GLIS3: variants seen among roughly 807,000 people sequenced by gnomAD.
GLIS3 encodes zinc finger protein GLIS3.
In GLIS3, 53 loss-of-function variants were observed where a neutral mutation model predicts 78.6. The ratio of observed to expected loss-of-function variants is 0.67; its 90% CI spans 0.54 to 0.85. GLIS3 has a LOEUF of 0.85. Among genes scored for constraint, GLIS3 ranks in the 40% least tolerant of loss-of-function variants. GLIS3 has a pLI of 0.00. For missense variants in GLIS3, 1,703 were observed against 1,231.1 expected, an observed-to-expected ratio of 1.38 and a Z score of -5.74; for synonymous variants, 684 against 509.9, an observed-to-expected ratio of 1.34 and a Z score of -4.60.
At chr9:4,487,299 G>T in the GLIS3 span, among the ~76,000 whole-genome samples, 1 of 152,158 alleles carries the variant, frequency 6.6e-6, no homozygotes, top group Non-Finnish European at 1.5e-5. Context: ...GCCTGTCCAG[G>T]TTGACTCCAA....
intron 2 of GLIS3, among the ~76,000 whole-genome samples, chr9:4,132,498 AG>A (rs1449159081): frequency 1.3e-5 from 2 of 152,228 alleles, no homozygotes; most frequent in Non-Finnish European, 2.9e-5. Context: ...ACATAGATAC[AG>A]GGGGAACAAG....
intron 7 of GLIS3, among the ~76,000 whole-genome samples, chr9:3,891,553 T>G (rs933861368): frequency 3.3e-5 from 5 of 152,022 alleles, no homozygotes; most frequent in Admixed American, 6.6e-5. Flanking sequence ...TAAAAATAAA[T>G]TAGCCAGGTG....
At chr9:4,367,835 G>A in the GLIS3 span, among the ~76,000 whole-genome samples, 1,328 of 152,200 alleles carry the variant, frequency 8.7e-3, 23 homozygotes, top group African/African-American at 0.031. Flanking sequence ...TTTAGGCTAG[G>A]TACTCACACA....
intron 3 of GLIS3, 48 bp downstream of exon 3, chr9:4,125,686 G>T (rs1564087612): frequency 8.0e-7 from 1 of 1,251,686 alleles, no homozygotes. Context: ...ACACTTGTGG[G>T]GTGTGTTTAT....
chr9:4,191,403 C>T (rs1818322745), intron 2 of GLIS3, among the ~76,000 whole-genome samples: 1 of 152,128 alleles, frequency 6.6e-6, no homozygotes, highest in African/African-American at 2.4e-5. Context: ...TCCACATATG[C>T]ATGAAATAAA....
intron 4 of GLIS3, among the ~76,000 whole-genome samples, chr9:4,101,752 C>T (rs1234884606): frequency 1.3e-5 from 2 of 152,058 alleles, no homozygotes; most frequent in African/African-American, 2.4e-5. Context: ...TCTCAAGCTT[C>T]TTTTTGGCTT....
In GLIS3 at chr9:3,979,773, A is replaced by G. The variant is rs551619989; in HGVS notation, c.1711-42584T>C. Among the ~76,000 whole-genome samples the G allele has an allele frequency of 3.3e-5, 5 of 152,344 alleles. No individual in the cohort carries two copies. The East Asian group carries it at 9.6e-4, about 29-fold the overall frequency. On this transcript the variant is annotated intron_variant, in intron 4 of 10. Transcript: ENST00000381971. ...CTCTACTTATGTGCCATTCATTGAA[A>G]AAGATAATTATTGAGTGCCTACTTT...
At chr9:4,337,982 G>C (rs1215823869) in intron 2 of GLIS3, among the ~76,000 whole-genome samples, 1 of 151,596 alleles carries the variant, frequency 6.6e-6, no homozygotes, top group African/African-American at 2.4e-5. Context: ...TCCCAGGATG[G>C]TTTGCTCTTT....
At chr9:3,922,715 T>C (rs1049660105) in intron 6 of GLIS3, among the ~76,000 whole-genome samples, 2 of 151,942 alleles carry the variant, frequency 1.3e-5, no homozygotes, top group African/African-American at 4.8e-5. Flanking sequence ...CAAAAACACT[T>C]GTAAAGGTGA....
intron 4 of GLIS3, among the ~76,000 whole-genome samples, chr9:4,099,057 CCA>C (rs1208273702): frequency 6.6e-6 from 1 of 152,152 alleles, no homozygotes; most frequent in Non-Finnish European, 1.5e-5. Context: ...GTGCAATGTC[CCA>C]CAGCTTGGCT....
chr9:3,834,339 G>A (rs1191377401), intron 9 of GLIS3, among the ~76,000 whole-genome samples: 2 of 152,136 alleles, frequency 1.3e-5, no homozygotes, highest in East Asian at 3.8e-4. Flanking sequence ...ATACCCTCTA[G>A]GGCCATGCTG....
At chr9:3,969,471 T>A (rs1818213517) in intron 4 of GLIS3, among the ~76,000 whole-genome samples, 1 of 152,170 alleles carries the variant, frequency 6.6e-6, no homozygotes, top group Non-Finnish European at 1.5e-5. Context: ...CTTGCACATA[T>A]CAGATACATA....
chr9:4,306,683 G>C (rs568321439), intron 4 of GLIS3, among the ~76,000 whole-genome samples: 4 of 152,234 alleles, frequency 2.6e-5, no homozygotes, highest in African/African-American at 9.6e-5. Flanking sequence ...TGTCTGCCCA[G>C]GCATCTCTGA....
chr9:3,931,276 C>T (rs1825593354), intron 6 of GLIS3, among the ~76,000 whole-genome samples: 1 of 151,912 alleles, frequency 6.6e-6, no homozygotes, highest in Admixed American at 6.6e-5. Context: ...GCTAACACTT[C>T]TCAAGGAAGA....
intron 1 of GLIS3, among the ~76,000 whole-genome samples, chr9:4,292,347 G>T (rs556135614): frequency 2.6e-5 from 4 of 152,186 alleles, no homozygotes; most frequent in African/African-American, 7.2e-5. Context: ...ATACCTATCT[G>T]CCCATTTGTA....
At chr9:3,895,026 G>A (rs1372206328) in intron 7 of GLIS3, among the ~76,000 whole-genome samples, 1 of 152,164 alleles carries the variant, frequency 6.6e-6, no homozygotes, top group Non-Finnish European at 1.5e-5. Flanking sequence ...CATAATTTTT[G>A]TGGTCATTCA....
chr9:4,362,610 T>G, the GLIS3 span, among the ~76,000 whole-genome samples: 2 of 152,212 alleles, frequency 1.3e-5, no homozygotes, highest in East Asian at 1.9e-4. Context: ...CTTCAAGGAC[T>G]CCAGTGGCAA....
intron 1 of GLIS3, among the ~76,000 whole-genome samples, chr9:4,297,837 G>A (rs1294293880): frequency 2.0e-5 from 3 of 152,286 alleles, no homozygotes; most frequent in Non-Finnish European, 1.5e-5. Flanking sequence ...TGCCGGGAGC[G>A]GGGGAGAGGC....
At chr9:4,313,895 C>G (rs951021375) in intron 2 of GLIS3, among the ~76,000 whole-genome samples, 1 of 152,212 alleles carries the variant, frequency 6.6e-6, no homozygotes, top group East Asian at 1.9e-4. Context: ...AGGTCTTACA[C>G]AGGCTTGGGC....
Sources: gnomAD v4.1 joint callset for allele counts (sites outside exome capture counted in the v4.1 genomes callset) on GRCh38, gnomAD v4.1.1 for gene constraint, MANE v1.5 for transcripts, NCBI Gene and HGNC (gene_info 2026-07-23, HGNC 2026-07-21) for gene names.